Variants in TMPRSS11F observed in about 807,000 individuals in gnomAD.
TMPRSS11F encodes transmembrane protease serine 11F.
A neutral mutation model predicts 60.2 loss-of-function variants in TMPRSS11F; 47 were observed. That is an observed-to-expected ratio of 0.78 (90% CI 0.62 to 1.00). The LOEUF (loss-of-function observed/expected upper bound fraction) is 1.00. Ranked by LOEUF, TMPRSS11F falls within the 50% of genes least tolerant of loss-of-function variation. TMPRSS11F has a pLI of 0.00. For synonymous variants in TMPRSS11F, 166 were observed against 167.3 expected, an observed-to-expected ratio of 0.99 and a Z score of 0.06; for missense variants, 519 against 522.9, an observed-to-expected ratio of 0.99 and a Z score of 0.07.
At chr4:68,119,840 T>C (rs747551756) in intron 1 of TMPRSS11F, among the ~76,000 whole-genome samples, 115 of 152,308 alleles carry the variant, frequency 7.6e-4, no homozygotes, top group Non-Finnish European at 8.2e-4. Flanking sequence ...AGTACTGTTA[T>C]TTAAGACATA....
chr4:68,110,581 G>A (rs1218552191), intron 1 of TMPRSS11F, among the ~76,000 whole-genome samples: 2 of 152,140 alleles, frequency 1.3e-5, no homozygotes, highest in East Asian at 1.9e-4. Context: ...ACATTTGTGA[G>A]CAGTATGATT....
intron 8 of TMPRSS11F, chr4:68,063,327 T>C (rs192830297): frequency 2.1e-4 from 102 of 492,858 alleles, no homozygotes; most frequent in African/African-American, 1.8e-3. Flanking sequence ...TTCTTATTTC[T>C]CATTAAAACA....
intron 3 of TMPRSS11F, among the ~76,000 whole-genome samples, chr4:68,083,841 A>G (rs1723755132): frequency 1.3e-5 from 2 of 152,146 alleles, no homozygotes; most frequent in Non-Finnish European, 2.9e-5. Context: ...GACTGAAAAG[A>G]CTGAAACTAC....
chr4:68,062,538 G>A (rs769108540), intron 8 of TMPRSS11F: 1 of 760,290 alleles, frequency 1.3e-6, no homozygotes, highest in South Asian at 1.3e-5. Flanking sequence ...TTTGCTTATT[G>A]TATTCATCGT....
rs61224244 is a variant in TMPRSS11F, at chr4:68,072,226, A to ATATATATATATATAT, written c.514+96_514+97insATATATATATATATA. Reference sequence around the variant, plus strand: ...ATATATATATATATATCTTCCAAAAAAAAAATATATATATATATATATATT... The same window carrying ATATATATATATATAT: ...ATATATATATATATATCTTCCAAAAATATATATATATATATAAAAATATATATATATATATATATT... On this transcript the variant is annotated intron_variant, in intron 5 of 9. Transcript: ENST00000356291. 750 of 79,330 alleles carry ATATATATATATATAT rather than the reference A, an allele frequency of 9.5e-3. 144 individuals carry two copies. The highest frequency in any genetic ancestry group is 0.025 in the South Asian group (55 of 2,162). 4.9% of individuals were successfully genotyped at this position (79,330 alleles called of 1,614,324 possible).
intron 1 of TMPRSS11F, among the ~76,000 whole-genome samples, chr4:68,103,963 T>C (rs951383979): frequency 1.3e-5 from 2 of 152,196 alleles, no homozygotes; most frequent in African/African-American, 4.8e-5. Flanking sequence ...TAGGTTGTTA[T>C]TTGTGTGTTG....
At chr4:68,107,551 T>C (rs116605586) in intron 1 of TMPRSS11F, among the ~76,000 whole-genome samples, 2,377 of 152,096 alleles carry the variant, frequency 0.016, 63 homozygotes, top group African/African-American at 0.054. Flanking sequence ...GGAGCAGACT[T>C]GGTGAATTTG....
intron 9 of TMPRSS11F, among the ~76,000 whole-genome samples, chr4:68,056,152 A>G (rs1226005089): frequency 1.3e-5 from 2 of 152,194 alleles, no homozygotes; most frequent in Admixed American, 6.5e-5. Flanking sequence ...TTTCTTTTCA[A>G]TGCAGTTCTG....
At chr4:68,126,752 T>C (rs1223239094) in intron 1 of TMPRSS11F, among the ~76,000 whole-genome samples, 2 of 152,144 alleles carry the variant, frequency 1.3e-5, no homozygotes, top group Non-Finnish European at 2.9e-5. Flanking sequence ...AGCATACAAA[T>C]AGAAGAGTGC....
At position 68,072,497 on chromosome 4, in the gene TMPRSS11F, A is replaced by T; in HGVS notation, c.351-11T>A. The T allele has an allele frequency of 6.8e-7, 1 of 1,477,076 alleles. No homozygotes were observed. The highest frequency in any genetic ancestry group is 2.2e-5 in the Admixed American group (1 of 46,464). 91.5% of individuals were successfully genotyped at this position (1,477,076 alleles called of 1,614,324 possible). A position where few individuals can be genotyped will look rare whatever the true frequency, so the allele number is the denominator to read the frequency against. On this transcript the variant is annotated splice_polypyrimidine_tract_variant and intron_variant, in intron 4 of 9. Transcript: ENST00000356291. ...CCTTGTTCATCTGGACTGAAGAACA[A>T]AAAAGCAGATAAAAATGGCATTTAT...
In TMPRSS11F at chr4:68,064,691, C is replaced by G; in HGVS notation, c.1009G>C (p.Asp337His). ...VFVTGFGSIV[D>H]DGPIQNTLRQ... Reference sequence around the variant, plus strand: ...TTAGGTTGAAACTGCTCACCATCATCTACAATGGATCCAAATCCTGTGACG... The same window carrying G: ...TTAGGTTGAAACTGCTCACCATCATGTACAATGGATCCAAATCCTGTGACG... The change falls in exon 8 of 10, where the codon GAT becomes CAT. Residue 337 changes from aspartate to histidine, a missense_variant. Asp to His is a moderately conservative substitution (Grantham distance 81). Transcript: ENST00000356291. 6.2e-7 allele frequency: 1 copy of G among 1,613,818 alleles called. No individual in the cohort carries two copies. The highest frequency in any genetic ancestry group is 8.5e-7 in the Non-Finnish European group (1 of 1,179,888).
rs576560361 is a variant in TMPRSS11F, at chr4:68,057,391, A to G, written c.1158+1935T>C. On this transcript the variant is annotated intron_variant, in intron 9 of 9. Coordinates refer to ENST00000356291, the MANE Select transcript of TMPRSS11F (RefSeq NM_207407.2). The stretch of plus-strand genomic sequence containing the variant: ...TTAAAAACCTAAACTTAAGACTTGA[A>G]ACTATAAACTACTAGAAGAAAACAG... 2.0e-5 allele frequency among the ~76,000 whole-genome samples: 3 copies of G among 152,198 alleles called. No individual in the cohort carries two copies. In the East Asian group the frequency reaches 5.8e-4, roughly 29 times the overall value.
chr4:68,102,736 G>T (rs1724218580), intron 1 of TMPRSS11F, among the ~76,000 whole-genome samples: 1 of 152,058 alleles, frequency 6.6e-6, no homozygotes, highest in Non-Finnish European at 1.5e-5. Flanking sequence ...CAGACATACG[G>T]TTGCAAATAT....
chr4:68,095,223 CAT>C (rs1724047912), intron 2 of TMPRSS11F, among the ~76,000 whole-genome samples: 1 of 151,240 alleles, frequency 6.6e-6, no homozygotes, highest in Non-Finnish European at 1.5e-5. Flanking sequence ...TTTGTGTATA[CAT>C]ATGTGTGTAC....
intron 1 of TMPRSS11F, among the ~76,000 whole-genome samples, chr4:68,122,534 CAAT>C (rs2109890104): frequency 6.6e-6 from 1 of 152,190 alleles, no homozygotes; most frequent in Admixed American, 6.5e-5. Flanking sequence ...ATAAATGAAA[CAAT>C]AGTTTTCTCA....
chr4:68,054,472 G>A (rs948930794), intron 9 of TMPRSS11F, among the ~76,000 whole-genome samples: 1 of 151,924 alleles, frequency 6.6e-6, no homozygotes, highest in Non-Finnish European at 1.5e-5. Flanking sequence ...CCTATTTTTG[G>A]TCTCCTTTTC....
intron 2 of TMPRSS11F, among the ~76,000 whole-genome samples, chr4:68,092,066 G>A (rs1364875844): frequency 6.6e-6 from 1 of 152,080 alleles, no homozygotes; most frequent in Non-Finnish European, 1.5e-5. Context: ...GATTACAGGT[G>A]TGAGCCACCG....
At position 68,077,683 on chromosome 4, in the gene TMPRSS11F, C is replaced by T. The variant is rs901232544; in HGVS notation, c.283-3674G>A. 5.9e-5 allele frequency: 9 copies of T among 151,948 alleles called. No homozygotes were observed. In the East Asian group the frequency reaches 1.5e-3, roughly 26 times the overall value. 9.4% of individuals were successfully genotyped at this position (151,948 alleles called of 1,614,324 possible). Reference sequence around the variant, plus strand: ...TGCCTACAAAGGATTGGGACATTAGCTTGTCACAAGGGGAGGCTAATCCAG... The same window carrying T: ...TGCCTACAAAGGATTGGGACATTAGTTTGTCACAAGGGGAGGCTAATCCAG... On this transcript the variant is annotated intron_variant, in intron 3 of 9. Transcript: ENST00000356291.
intron 1 of TMPRSS11F, among the ~76,000 whole-genome samples, chr4:68,107,528 G>A (rs1724326101): frequency 6.6e-6 from 1 of 152,142 alleles, no homozygotes; most frequent in South Asian, 2.1e-4. Flanking sequence ...GTCATTACAA[G>A]GACCCTGAGG....
Sources: allele counts gnomAD v4.1 joint callset (sites outside exome capture counted in the v4.1 genomes callset), GRCh38; gene constraint gnomAD v4.1.1; transcripts MANE v1.5; gene names NCBI Gene and HGNC (gene_info 2026-07-23, HGNC 2026-07-21).